MCF2: variants seen among roughly 807,000 people sequenced by gnomAD.
MCF2 encodes MCF.2 cell line derived transforming sequence, also known as proto-oncogene DBL.
A neutral mutation model predicts 82.5 loss-of-function variants in MCF2; 44 were observed. The observed-to-expected ratio is 0.53, with a 90% CI of 0.42 to 0.69. The LOEUF (loss-of-function observed/expected upper bound fraction) is 0.69. Among genes scored for constraint, MCF2 ranks in the 30% least tolerant of loss-of-function variants. The pLI is 0.00. For synonymous variants in MCF2, 217 were observed against 224.9 expected (o/e 0.96, Z 0.32); for missense variants, 623 against 663.1 (o/e 0.94, Z 0.66).
chrX:139,658,681 T>TG (rs1244107298), intron 1 of MCF2, among the ~76,000 whole-genome samples: 2 of 96,559 alleles, frequency 2.1e-5, no homozygotes, highest in African/African-American at 7.9e-5. Context: ...TTTTTTTTTT[T>TG]TTTTTTTTTT....
At chrX:139,698,989 CA>C (rs1405471717) in intron 1 of MCF2, among the ~76,000 whole-genome samples, 2 of 111,740 alleles carry the variant, frequency 1.8e-5, no homozygotes, top group Non-Finnish European at 3.8e-5. Context: ...TATTTATTGC[CA>C]CATTCCAGGT....
intron 11 of MCF2, among the ~76,000 whole-genome samples, chrX:139,608,618 A>C (rs1931240842): frequency 9.0e-6 from 1 of 111,467 alleles, no homozygotes; most frequent in Non-Finnish European, 1.9e-5. Context: ...CTAGAACCCA[A>C]AATGAAGTAC....
intron 1 of MCF2, among the ~76,000 whole-genome samples, chrX:139,701,765 A>C (rs1935503471): frequency 8.9e-6 from 1 of 112,566 alleles, no homozygotes; most frequent in Non-Finnish European, 1.9e-5. Context: ...CAAATACACA[A>C]ATGTAAAGCA....
chrX:139,693,670 G>T (rs781372113), intron 1 of MCF2, among the ~76,000 whole-genome samples: 3 of 111,906 alleles, frequency 2.7e-5, no homozygotes, highest in Admixed American at 1.9e-4. Flanking sequence ...TATGTGCACA[G>T]GGTAGAGGAG....
At position 139,673,922 on chromosome X, in the gene MCF2, A is replaced by G. The variant is rs933326180; in HGVS notation, c.-44-22134T>C. Among the ~76,000 whole-genome samples, 23 of 111,319 alleles carry G rather than the reference A, an allele frequency of 2.1e-4. 1 individual carries two copies. Among genetic ancestry groups the G allele is most frequent in the Admixed American group, 1.8e-3 (19 of 10,490 alleles). On this transcript the variant is annotated intron_variant, in intron 1 of 27. Coordinates refer to the MCF2 transcript ENST00000414978. ...TCTAATATTGACAGTGGGGTGTTAA[A>G]GTCTCCCATTATTATTGTGTGGGAA...
At chrX:139,679,370 G>C (rs951427232) in intron 1 of MCF2, among the ~76,000 whole-genome samples, 5 of 112,264 alleles carry the variant, frequency 4.5e-5, no homozygotes, top group Non-Finnish European at 9.4e-5. Context: ...ATGAGAGGAT[G>C]GAAGGAAAGA....
rs754103946 is a variant in MCF2 at position 139,683,557 on chromosome X, G to A, written c.-45+24549C>T. 2.9e-4 allele frequency among the ~76,000 whole-genome samples: 33 copies of A among 112,145 alleles called. No individual in the cohort carries two copies. The South Asian group carries it at 3.7e-3, about 13-fold the overall frequency. ...ATCTTGAAAAAGAAAAACAAATTTGGAAAGTTTATATTTTCTGATTTCAAA... is the reference window on the plus strand; with the variant it reads ...ATCTTGAAAAAGAAAAACAAATTTGAAAAGTTTATATTTTCTGATTTCAAA... On this transcript the variant is annotated intron_variant, in intron 1 of 27. Transcript: ENST00000414978.
chrX:139,646,121 T>C (rs747489032), upstream of MCF2, among the ~76,000 whole-genome samples: 5 of 111,809 alleles, frequency 4.5e-5, no homozygotes, highest in Non-Finnish European at 9.4e-5. Context: ...ATATAACTTC[T>C]ATTTGCCCTA....
In MCF2 at chrX:139,698,149, CAAAATA is replaced by C. The variant is rs777906948; in HGVS notation, c.-45+9951_-45+9956del. On this transcript the variant is annotated intron_variant, in intron 1 of 27. Transcript: ENST00000414978. ...TTGGTGACAAAGTGAGACCCTGTCT[CAAAATA>C]AAAATAAAAATAAAAATCCTTGCTC... Among the ~76,000 whole-genome samples, 14 of 110,914 alleles carry C rather than the reference CAAAATA, an allele frequency of 1.3e-4. No homozygotes were observed. The East Asian group carries it at 3.7e-3, about 29-fold the overall frequency.
chrX:139,596,448 C>A, intron 19 of MCF2, 101 bp downstream of exon 23: 1 of 570,875 alleles, frequency 1.8e-6, no homozygotes, highest in Non-Finnish European at 2.8e-6. Flanking sequence ...AGATGTGCAG[C>A]GAAAGTATAA....
At chrX:139,625,630 C>A (rs1222031770) in intron 6 of MCF2, among the ~76,000 whole-genome samples, 1 of 111,422 alleles carries the variant, frequency 9.0e-6, no homozygotes, top group African/African-American at 3.3e-5. Flanking sequence ...TTGAACATGA[C>A]CGCAAAAGGA....
intron 1 of MCF2, among the ~76,000 whole-genome samples, chrX:139,690,114 G>A (rs1365142905): frequency 9.0e-6 from 1 of 111,482 alleles, no homozygotes; most frequent in Non-Finnish European, 1.9e-5. Context: ...GCAAGCCCAG[G>A]TAAAAACACA....
intron 6 of MCF2, among the ~76,000 whole-genome samples, chrX:139,622,648 G>T (rs188523689): frequency 1.8e-5 from 2 of 108,261 alleles, no homozygotes; most frequent in African/African-American, 6.8e-5. Context: ...ACCAAACACC[G>T]CATGTTCTCA....
intron 1 of MCF2, among the ~76,000 whole-genome samples, chrX:139,684,410 C>T (rs954941751): frequency 6.3e-5 from 7 of 111,887 alleles, no homozygotes; most frequent in African/African-American, 1.3e-4. Flanking sequence ...CTTTGAAAAA[C>T]GGTCTGGGAT....
intron 21 of MCF2, 49 bp from the exon 26 acceptor site, chrX:139,587,837 C>A: frequency 1.3e-6 from 1 of 791,006 alleles, no homozygotes; most frequent in Non-Finnish European, 1.9e-6. Flanking sequence ...ACACTTCTTA[C>A]TTCCTTGAAG....
intron 19 of MCF2, 53 bp downstream of exon 23, chrX:139,596,496 G>A (rs1930109741): frequency 1.1e-6 from 1 of 940,583 alleles, no homozygotes; most frequent in Non-Finnish European, 1.5e-6. Flanking sequence ...GTACAAACTG[G>A]GAGACACACA....
chrX:139,591,147 T>C (rs990995836), intron 19 of MCF2, among the ~76,000 whole-genome samples: 4 of 111,708 alleles, frequency 3.6e-5, no homozygotes, highest in Admixed American at 9.5e-5. Context: ...TGGATTGGAA[T>C]ACATCTCTAC....
At chrX:139,618,838 T>A (rs987564343) in intron 7 of MCF2, among the ~76,000 whole-genome samples, 1 of 111,567 alleles carries the variant, frequency 9.0e-6, no homozygotes, top group African/African-American at 3.2e-5. Context: ...CTAGCAGGGA[T>A]AATGAAAACT....
intron 1 of MCF2, among the ~76,000 whole-genome samples, chrX:139,665,762 C>T (rs931925797): frequency 1.8e-5 from 2 of 108,191 alleles, no homozygotes; most frequent in Non-Finnish European, 3.8e-5. Context: ...CTGCTCTGCT[C>T]CTCAGATTAG....
Sources: allele counts gnomAD v4.1 joint callset (sites outside exome capture counted in the v4.1 genomes callset), GRCh38; gene constraint gnomAD v4.1.1; transcripts MANE v1.5; gene names NCBI Gene and HGNC (gene_info 2026-07-23, HGNC 2026-07-21).